Variants in CLCF1 observed in about 807,000 individuals in gnomAD.
CLCF1 encodes the protein cardiotrophin like cytokine factor 1.
Under a neutral mutation model 21.2 loss-of-function variants are expected in CLCF1, and 10 were observed. That is an observed-to-expected ratio of 0.47 (90% CI 0.29 to 0.80). The LOEUF (loss-of-function observed/expected upper bound fraction) is 0.80, where lower values mean the gene tolerates loss of function less well. Ranked by LOEUF, CLCF1 falls within the 30% of genes least tolerant of loss-of-function variation. CLCF1 has a pLI of 0.09. For missense variants in CLCF1, 240 were observed against 293.4 expected, an observed-to-expected ratio of 0.82 and a Z score of 1.33; for synonymous variants, 115 against 120.5, an observed-to-expected ratio of 0.95 and a Z score of 0.30.
In CLCF1 at chr11:67,364,316, G is replaced by C. The variant is rs1244563862; in HGVS notation, c.*820C>G. On this transcript the variant is annotated 3_prime_UTR_variant, in exon 3 of 3. Coordinates refer to ENST00000312438, the MANE Select transcript of CLCF1 (RefSeq NM_013246.3). ...GGGCTGGGGGGCAGGGCCTTGGGGA[G>C]CTGCCACCCTACACCCCAAAATGCT... 2 of 152,536 alleles carry C rather than the reference G, an allele frequency of 1.3e-5. No individual in the cohort carries two copies. Among genetic ancestry groups the C allele is most frequent in the African/African-American group, 2.4e-5 (1 of 41,420 alleles). The allele number at this position is 152,536 out of a possible 1,614,324, so 9.4% of individuals were successfully genotyped here. A position where few individuals can be genotyped will look rare whatever the true frequency, so the allele number is the denominator to read the frequency against.
chr11:67,370,868 C>T (rs1862216765), intron 1 of CLCF1: 2 of 985,310 alleles, frequency 2.0e-6, no homozygotes, highest in Non-Finnish European at 2.4e-6. Flanking sequence ...ATAAGAGCTA[C>T]GCTAAGAACT....
intron 2 of CLCF1, among the ~76,000 whole-genome samples, chr11:67,367,206 G>A (rs958017638): frequency 6.6e-6 from 1 of 152,182 alleles, no homozygotes. Context: ...CGGGCGGCTG[G>A]GCTGGCAGCC....
At chr11:67,370,412 C>T (rs948622125) in intron 1 of CLCF1, 3 of 984,442 alleles carry the variant, frequency 3.0e-6, no homozygotes, top group African/African-American at 3.5e-5. Context: ...GCCCCCAGCC[C>T]GGCCCCCGCC....
intron 2 of CLCF1, among the ~76,000 whole-genome samples, chr11:67,367,137 G>T (rs1048070325): frequency 1.4e-5 from 2 of 142,894 alleles, no homozygotes; most frequent in Non-Finnish European, 3.1e-5. Flanking sequence ...CCCCGCCCGC[G>T]CAAGAGACAC....
Position 67,364,985 on chromosome 11 carries a change from G to T in CLCF1, c.*151C>A. The T allele has an allele frequency of 7.7e-7, 1 of 1,304,916 alleles. No homozygotes were observed. The highest frequency in any genetic ancestry group is 1.1e-6 in the Non-Finnish European group (1 of 947,358). The allele number at this position is 1,304,916 out of a possible 1,614,324, so 80.8% of individuals were successfully genotyped here. A position where few individuals can be genotyped will look rare whatever the true frequency, so the allele number is the denominator to read the frequency against. ...CCTTTGGGAGGTGGGGAGGAGACAG[G>T]GCTGATCGCATCACACGCCCAGCCG... is the stretch of plus-strand genomic sequence containing the variant. On this transcript the variant is annotated 3_prime_UTR_variant, in exon 3 of 3. Coordinates refer to ENST00000312438, the MANE Select transcript of CLCF1 (RefSeq NM_013246.3).
intron 1 of CLCF1, chr11:67,370,259 C>T (rs1862200366): frequency 2.0e-6 from 2 of 985,360 alleles, no homozygotes; most frequent in Non-Finnish European, 2.4e-6. Flanking sequence ...GAACCCAACA[C>T]AGCTCGCCTG....
intron 1 of CLCF1, among the ~76,000 whole-genome samples, chr11:67,371,705 G>A (rs1862237814): frequency 6.6e-6 from 1 of 152,136 alleles, no homozygotes; most frequent in Non-Finnish European, 1.5e-5. Context: ...GTCCAGGGCA[G>A]TGGTGGGTGA....
intron 1 of CLCF1, chr11:67,369,491 A>G: frequency 3.0e-6 from 3 of 985,362 alleles, no homozygotes; most frequent in Non-Finnish European, 3.6e-6. Context: ...TGCCTGACTC[A>G]GTTCCTTTCT....
rs571607608 is a variant in CLCF1 at position 67,365,735 on chromosome 11, C to T, written c.184-105G>A. Reference sequence around the variant, plus strand: ...TTTCTATTTTTTGTGTCCCCTGACACTGGCCCTGTCTCCATGCTAGGCTTC... The same window carrying T: ...TTTCTATTTTTTGTGTCCCCTGACATTGGCCCTGTCTCCATGCTAGGCTTC... On this transcript the variant is annotated intron_variant, in intron 2 of 2. Coordinates refer to ENST00000312438, the MANE Select transcript of CLCF1 (RefSeq NM_013246.3). This position sits in a 1 kb window ranked among gnomAD's most constrained non-coding sequence, Gnocchi z 5.0. 6.8e-7 allele frequency: 1 copy of T among 1,471,340 alleles called. No individual in the cohort carries two copies. Among genetic ancestry groups the T allele is most frequent in the South Asian group, 1.4e-5 (1 of 71,382 alleles). The allele number at this position is 1,471,340 out of a possible 1,614,324, so 91.1% of individuals were successfully genotyped here. A position where few individuals can be genotyped will look rare whatever the true frequency, so the allele number is the denominator to read the frequency against.
intron 1 of CLCF1, chr11:67,368,191 G>C (rs1862157633): frequency 3.0e-6 from 3 of 985,236 alleles, no homozygotes; most frequent in Non-Finnish European, 3.6e-6. Context: ...CACTAGGGTC[G>C]GGCTGCCTTA....
intron 2 of CLCF1, among the ~76,000 whole-genome samples, chr11:67,366,496 T>A (rs534154946): frequency 6.6e-6 from 1 of 152,116 alleles, no homozygotes; most frequent in South Asian, 2.1e-4. Flanking sequence ...GGAGGCAGTC[T>A]CATGAGTAGG....
Position 67,364,804 on chromosome 11 carries a change from A to G in CLCF1, c.*332T>C. 1 of 314,570 alleles carries G rather than the reference A, an allele frequency of 3.2e-6. No homozygotes were observed. Among genetic ancestry groups the G allele is most frequent in the Non-Finnish European group, 6.0e-6 (1 of 165,706 alleles). 19.5% of individuals were successfully genotyped at this position (314,570 alleles called of 1,614,324 possible). On this transcript the variant is annotated 3_prime_UTR_variant, in exon 3 of 3. Transcript: ENST00000312438. Reference sequence around the variant, plus strand: ...CCCTGCCCTCCAGATGTGCCACCTGAGGGGCTGGGTGGGCACTGGCCAAGT... The same window carrying G: ...CCCTGCCCTCCAGATGTGCCACCTGGGGGGCTGGGTGGGCACTGGCCAAGT...
At chr11:67,366,235 T>C (rs1385197903) in intron 2 of CLCF1, among the ~76,000 whole-genome samples, 1 of 151,988 alleles carries the variant, frequency 6.6e-6, no homozygotes, top group African/African-American at 2.4e-5. Flanking sequence ...TGTAGACCAC[T>C]CCTTGGAGAA....
intron 1 of CLCF1, chr11:67,370,551 C>T: frequency 1.0e-6 from 1 of 984,914 alleles, no homozygotes; most frequent in Non-Finnish European, 1.2e-6. Context: ...CCCCCCACCC[C>T]CGGCCAGCCC....
Position 67,364,326 on chromosome 11 carries a change from T to C in CLCF1, c.*810A>G, listed in dbSNP as rs948859062. On this transcript the variant is annotated 3_prime_UTR_variant, in exon 3 of 3. Coordinates refer to ENST00000312438, the MANE Select transcript of CLCF1 (RefSeq NM_013246.3). The stretch of plus-strand genomic sequence containing the variant: ...GCAGGGCCTTGGGGAGCTGCCACCC[T>C]ACACCCCAAAATGCTACTGCATTGT... 1 of 152,540 alleles carries C rather than the reference T, an allele frequency of 6.6e-6. No individual in the cohort carries two copies. The highest frequency in any genetic ancestry group is 1.5e-5 in the Non-Finnish European group (1 of 68,046). The allele number at this position is 152,540 out of a possible 1,614,324, so 9.4% of individuals were successfully genotyped here. A position where few individuals can be genotyped will look rare whatever the true frequency, so the allele number is the denominator to read the frequency against.
chr11:67,365,386 A>G lies in CLCF1; in HGVS notation c.428T>C (p.Leu143Pro). 4.3e-6 allele frequency: 7 copies of G among 1,612,858 alleles called. No individual in the cohort carries two copies. The highest frequency in any genetic ancestry group is 4.2e-6 in the Non-Finnish European group (5 of 1,179,384). ...CATGACGCCCGCAATGCTGCCCAGC[A>G]GGCCCTGGAGGCTGGTGCAGAAGTG... The part of the protein sequence containing the change: ...LAHFCTSLQG[L>P]LGSIAGVMAA... The change falls in exon 3 of 3, where the codon CTG becomes CCG. Residue 143 changes from leucine to proline, a missense_variant. Physicochemically the swap from Leu to Pro is moderately conservative, Grantham distance 98 (BLOSUM62 -3). Transcript: ENST00000312438. The surrounding 1 kb of genome is among the most constrained non-coding windows in gnomAD (Gnocchi z 5.0).
rs1198989573 is a variant in CLCF1 at position 67,364,322 on chromosome 11, A to AC, written c.*813dup. ...GGGGGCAGGGCCTTGGGGAGCTGCC[A>AC]CCCTACACCCCAAAATGCTACTGCA... On this transcript the variant is annotated 3_prime_UTR_variant, in exon 3 of 3. Coordinates refer to ENST00000312438, the MANE Select transcript of CLCF1 (RefSeq NM_013246.3). 1 of 152,498 alleles carries AC rather than the reference A, an allele frequency of 6.6e-6. No homozygotes were observed. The highest frequency in any genetic ancestry group is 2.4e-5 in the African/African-American group (1 of 41,414). 9.4% of individuals were successfully genotyped at this position (152,498 alleles called of 1,614,324 possible).
chr11:67,373,491 C>A, intron 1 of CLCF1, 33 bp downstream of exon 1: 1 of 1,148,470 alleles, frequency 8.7e-7, no homozygotes, highest in South Asian at 1.5e-5. Context: ...CTTGGCGGGG[C>A]GGGGGTCGGG....
intron 1 of CLCF1, chr11:67,369,284 TGGG>T: frequency 1.0e-6 from 1 of 985,316 alleles, no homozygotes; most frequent in Non-Finnish European, 1.2e-6. Flanking sequence ...AGCGTGGCGG[TGGG>T]GTACCACAAG....
Sources: gnomAD v4.1 joint callset for allele counts (sites outside exome capture counted in the v4.1 genomes callset) on GRCh38, gnomAD v4.1.1 for gene constraint, Gnocchi (gnomAD v3.1) non-coding constraint, MANE v1.5 for transcripts, NCBI Gene and HGNC (gene_info 2026-07-23, HGNC 2026-07-21) for gene names.